BIN3: variants seen among roughly 807,000 people sequenced by gnomAD.
BIN3 encodes bridging integrator 3.
A neutral mutation model predicts 38.2 loss-of-function variants in BIN3; 41 were observed. The observed-to-expected ratio is 1.07, with a 90% confidence interval of 0.84 to 1.39. BIN3 has a LOEUF of 1.39. Among genes scored for constraint, BIN3 ranks in the 40% most tolerant of loss-of-function variants. The pLI, the probability that BIN3 is intolerant of heterozygous loss-of-function variation, is 0.00. For missense variants in BIN3, 361 were observed against 324.3 expected (o/e 1.11, Z -0.87); for synonymous variants, 145 against 122.6 (o/e 1.18, Z -1.21).
chr8:22,621,941 A>G (rs189190968), intron 8 of BIN3, among the ~76,000 whole-genome samples: 34 of 152,364 alleles, frequency 2.2e-4, no homozygotes, highest in Non-Finnish European at 3.4e-4. Flanking sequence ...GCAGAAAGAC[A>G]GCATGGTAGG....
chr8:22,625,878 G>GCGCCCCGC (rs769661285), intron 6 of BIN3: 1 of 148,006 alleles, frequency 6.8e-6, no homozygotes, highest in Non-Finnish European at 1.5e-5. Context: ...GTAAGCCACC[G>GCGCCCCGC]TGGCCGGCCT....
chr8:22,635,900 C>T (rs749223024), intron 4 of BIN3, among the ~76,000 whole-genome samples: 2 of 152,048 alleles, frequency 1.3e-5, no homozygotes, highest in Non-Finnish European at 2.9e-5. Context: ...CCCTTATTCC[C>T]GACCTGCTTG....
At chr8:22,647,762 T>A (rs1802756910) in intron 1 of BIN3, among the ~76,000 whole-genome samples, 1 of 152,162 alleles carries the variant, frequency 6.6e-6, no homozygotes, top group South Asian at 2.1e-4. Flanking sequence ...TCTGATTATT[T>A]TTCAACTCAC....
At chr8:22,642,896 A>C (rs1183520142) in intron 2 of BIN3, among the ~76,000 whole-genome samples, 2 of 152,168 alleles carry the variant, frequency 1.3e-5, no homozygotes, top group Non-Finnish European at 2.9e-5. Context: ...AGCGAGACAG[A>C]TGCGAGGAAG....
At chr8:22,624,579 G>A in intron 6 of BIN3, 3 of 577,250 alleles carry the variant, frequency 5.2e-6, no homozygotes, top group Non-Finnish European at 6.1e-6. Context: ...CAAGACAGAT[G>A]AGGCCCTGTC....
In BIN3 at chr8:22,653,155, G is replaced by A. The variant is rs567475601; in HGVS notation, c.9-8352C>T. Among the ~76,000 whole-genome samples, 68 of 152,280 alleles carry A rather than the reference G, an allele frequency of 4.5e-4. No individual in the cohort carries two copies. In the South Asian group the frequency reaches 0.014, roughly 31 times the overall value. On this transcript the variant is annotated intron_variant, in intron 1 of 8. Transcript: ENST00000276416. ...TGACAGTGACCAGTTTGTCATTAAT[G>A]TCTGTCTTTGAAGGAGGGCGTATTT...
chr8:22,629,524 CACCCCCACGTTTCCA>C (rs2117513597), intron 6 of BIN3, among the ~76,000 whole-genome samples: 1 of 152,382 alleles, frequency 6.6e-6, no homozygotes, highest in Admixed American at 6.5e-5. Context: ...TGTGTGCGGC[CACCCCCACGTTTCCA>C]GAGCCGAGTG....
At position 22,632,631 on chromosome 8, in the gene BIN3, C is replaced by A. The variant is rs140756563; in HGVS notation, c.161-2053G>T. On this transcript the variant is annotated intron_variant, in intron 4 of 8. Coordinates refer to ENST00000276416, the MANE Select transcript of BIN3 (RefSeq NM_018688.6). The stretch of plus-strand genomic sequence containing the variant: ...AAATGTTTCTGAAAAACATCTTCTG[C>A]TATTTCTTAAAAAAATATCTGAGGA... Among the ~76,000 whole-genome samples the A allele has an allele frequency of 5.6e-3, 843 of 150,848 alleles. 9 individuals are homozygous for A. Among genetic ancestry groups the A allele is most frequent in the African/African-American group, 0.02 (813 of 41,080 alleles).
chr8:22,641,374 G>A (rs1802554745), intron 2 of BIN3, among the ~76,000 whole-genome samples: 1 of 152,200 alleles, frequency 6.6e-6, no homozygotes. Flanking sequence ...TTTTGGCAGT[G>A]CACAGGTCAG....
In BIN3 at chr8:22,622,667, A is replaced by AT; in HGVS notation, c.616-1100_616-1099insA. ...GCCTCCCATCTGCTCCAACCTGGAC[A>AT]CGCGGGAGCCTGGCACCCTGTGGCT... On this transcript the variant is annotated intron_variant, in intron 8 of 8. Coordinates refer to ENST00000276416, the MANE Select transcript of BIN3 (RefSeq NM_018688.6). The AT allele has an allele frequency of 2.0e-5, 3 of 152,410 alleles. No homozygotes were observed. The South Asian group carries it at 6.2e-4, about 32-fold the overall frequency. The allele number at this position is 152,410 out of a possible 1,614,324, so 9.4% of individuals were successfully genotyped here.
chr8:22,636,776 G>T, intron 3 of BIN3, 146 bp downstream of exon 3: 7 of 1,056,404 alleles, frequency 6.6e-6, no homozygotes, highest in Non-Finnish European at 9.9e-6. Context: ...CATTGCCAGG[G>T]AACAGTTCCA....
intron 1 of BIN3, among the ~76,000 whole-genome samples, chr8:22,645,986 C>T (rs866235889): frequency 6.3e-4 from 96 of 152,196 alleles, no homozygotes; most frequent in African/African-American, 2.2e-3. Context: ...CATGGCACAG[C>T]GGAAGGAGGA....
rs114738244 is a variant in BIN3 at position 22,621,304 on chromosome 8, G to A, written c.*118C>T. 2,540 of 1,352,240 alleles carry A rather than the reference G, an allele frequency of 1.9e-3. 4 individuals are homozygous for A. Among genetic ancestry groups the A allele is most frequent in the Non-Finnish European group, 2.2e-3 (2,206 of 1,009,736 alleles). The allele number at this position is 1,352,240 out of a possible 1,614,324, so 83.8% of individuals were successfully genotyped here. Reference sequence around the variant, plus strand: ...GAAGAGTCATTCATTGCAAAGGGCCGGCAAGTGAACCAGGGCCACCTCTGT... The same window carrying A: ...GAAGAGTCATTCATTGCAAAGGGCCAGCAAGTGAACCAGGGCCACCTCTGT... On this transcript the variant is annotated 3_prime_UTR_variant, in exon 9 of 9. Transcript: ENST00000276416.
intron 4 of BIN3, among the ~76,000 whole-genome samples, chr8:22,633,456 G>C (rs1802271814): frequency 6.6e-6 from 1 of 152,240 alleles, no homozygotes; most frequent in South Asian, 2.1e-4. Flanking sequence ...GAACCTTAGA[G>C]AAAGTGAGGG....
intron 4 of BIN3, among the ~76,000 whole-genome samples, chr8:22,633,353 T>C (rs981638066): frequency 6.6e-6 from 1 of 152,112 alleles, no homozygotes; most frequent in East Asian, 1.9e-4. Context: ...GGACCTGTGG[T>C]CCCTGCCCCA....
chr8:22,636,820 AGGGTGCTCAC>A (rs1337258953), intron 3 of BIN3, 92 bp downstream of exon 3: 2 of 1,337,006 alleles, frequency 1.5e-6, no homozygotes, highest in African/African-American at 2.9e-5. Flanking sequence ...CTCAGCTTCC[AGGGTGCTCAC>A]GGGGCAGGGC....
At chr8:22,653,458 TTCTC>T (rs1478265080) in intron 1 of BIN3, among the ~76,000 whole-genome samples, 2 of 152,236 alleles carry the variant, frequency 1.3e-5, no homozygotes, top group Non-Finnish European at 1.5e-5. Context: ...AAATCCAATT[TTCTC>T]TCTAGTTTTT....
Position 22,630,310 on chromosome 8 carries a change from C to T in BIN3, c.297+132G>A, listed in dbSNP as rs1802150493. On this transcript the variant is annotated intron_variant, in intron 5 of 8. Transcript: ENST00000276416. ...AGCCCTGTGGGCTTGCAGCACCTTG[C>T]AGCACACGAGGCCAGAGGGCTTAGA... 3.0e-6 allele frequency: 4 copies of T among 1,324,830 alleles called. No individual in the cohort carries two copies. In the Middle Eastern group the frequency reaches 8.2e-4, roughly 271 times the overall value. The allele number at this position is 1,324,830 out of a possible 1,614,324, so 82.1% of individuals were successfully genotyped here.
In BIN3 at chr8:22,669,108, T is replaced by G. The variant is rs1585212161; in HGVS notation, c.-57A>C. 6.4e-7 allele frequency: 1 copy of G among 1,566,254 alleles called. No homozygotes were observed. Reference sequence around the variant, plus strand: ...TCAGCCACAACTCGTTTCTCTAGGGTCACTTCCGGATTCAACCAGTCTCCA... The same window carrying G: ...TCAGCCACAACTCGTTTCTCTAGGGGCACTTCCGGATTCAACCAGTCTCCA... On this transcript the variant is annotated 5_prime_UTR_variant, in exon 1 of 9. Coordinates refer to ENST00000276416, the MANE Select transcript of BIN3 (RefSeq NM_018688.6).
Sources: gnomAD v4.1 joint callset for allele counts (sites outside exome capture counted in the v4.1 genomes callset) on GRCh38, gnomAD v4.1.1 for gene constraint, MANE v1.5 for transcripts, NCBI Gene and HGNC (gene_info 2026-07-23, HGNC 2026-07-21) for gene names.